PACSIN1: variants seen among roughly 807,000 people sequenced by gnomAD.
PACSIN1 encodes protein kinase C and casein kinase substrate in neurons 1.
Under a neutral mutation model 59.5 loss-of-function variants are expected in PACSIN1, and 15 were observed. That is an observed-to-expected ratio of 0.25 (90% CI 0.17 to 0.39). The LOEUF (loss-of-function observed/expected upper bound fraction) is 0.39. Among genes scored for constraint, PACSIN1 ranks in the 10% least tolerant of loss-of-function variants. PACSIN1 has a pLI of 1.00. For missense variants in PACSIN1, 420 were observed against 580.2 expected (o/e 0.72, Z 2.84); for synonymous variants, 210 against 220.6 (o/e 0.95, Z 0.42).
In PACSIN1 at chr6:34,530,173, C is replaced by A; in HGVS notation, c.789-70C>A. ...CCTGCTTCCCTGAGTGGACTCTGGC[C>A]TCTCACCAAGGTTGAGGAGGGGCCA... is the stretch of plus-strand genomic sequence containing the variant. On this transcript the variant is annotated intron_variant, in intron 6 of 9. Coordinates refer to ENST00000244458, the MANE Select transcript of PACSIN1 (RefSeq NM_020804.5). The surrounding 1 kb of genome is among the most constrained non-coding windows in gnomAD (Gnocchi z 4.4). 1 of 1,528,322 alleles carries A rather than the reference C, an allele frequency of 6.5e-7. No homozygotes were observed. The allele number at this position is 1,528,322 out of a possible 1,614,324, so 94.7% of individuals were successfully genotyped here. A position where few individuals can be genotyped will look rare whatever the true frequency, so the allele number is the denominator to read the frequency against.
intron 1 of PACSIN1, among the ~76,000 whole-genome samples, chr6:34,477,224 C>T (rs1355452355): frequency 2.0e-5 from 3 of 151,930 alleles, no homozygotes; most frequent in Admixed American, 6.6e-5. Flanking sequence ...GGCATGGTTG[C>T]TCATGCCTGT....
intron 1 of PACSIN1, among the ~76,000 whole-genome samples, chr6:34,477,342 A>C (rs938492604): frequency 1.3e-5 from 2 of 151,342 alleles, no homozygotes; most frequent in Admixed American, 6.6e-5. Context: ...AAAAAAAAGA[A>C]AAAAGAAAAA....
chr6:34,504,300 T>A (rs1163461010), intron 1 of PACSIN1, among the ~76,000 whole-genome samples: 10 of 148,644 alleles, frequency 6.7e-5, no homozygotes, highest in South Asian at 2.1e-4. Context: ...ATTTTTTTTT[T>A]TTTTTTTTTA....
In PACSIN1 at chr6:34,532,555, T is replaced by G; in HGVS notation, c.*25T>G. The G allele has an allele frequency of 7.3e-7, 1 of 1,364,222 alleles. No individual in the cohort carries two copies. The highest frequency in any genetic ancestry group is 1.0e-6 in the Non-Finnish European group (1 of 982,402). 84.5% of individuals were successfully genotyped at this position (1,364,222 alleles called of 1,614,324 possible). ...GAGGCCCCCTCCCTCCATACTCCCGTCACTCCTCCCCACTGCCGCCCCTCC... is the reference window on the plus strand; with the variant it reads ...GAGGCCCCCTCCCTCCATACTCCCGGCACTCCTCCCCACTGCCGCCCCTCC... On this transcript the variant is annotated 3_prime_UTR_variant, in exon 10 of 10. Transcript: ENST00000244458. This position sits in a 1 kb window ranked among gnomAD's most constrained non-coding sequence, Gnocchi z 5.2.
In PACSIN1 at chr6:34,521,372, C is replaced by A. The variant is rs1343300620; in HGVS notation, c.-63-4871C>A. 1.3e-5 allele frequency among the ~76,000 whole-genome samples: 2 copies of A among 152,156 alleles called. No individual in the cohort carries two copies. Among genetic ancestry groups the A allele is most frequent in the African/African-American group, 2.4e-5 (1 of 41,426 alleles). On this transcript the variant is annotated intron_variant, in intron 1 of 9. Coordinates refer to ENST00000244458, the MANE Select transcript of PACSIN1 (RefSeq NM_020804.5). The surrounding 1 kb of genome is among the most constrained non-coding windows in gnomAD (Gnocchi z 4.3). ...CCACACGAGGCCTGGCCTCTCCAGG[C>A]TCCTGCTCTTAATTCCTCTGTCCCT...
At chr6:34,466,825 G>A (rs1206272960) in intron 1 of PACSIN1, among the ~76,000 whole-genome samples, 1 of 152,174 alleles carries the variant, frequency 6.6e-6, no homozygotes, top group Non-Finnish European at 1.5e-5. Context: ...CGCAGATACA[G>A]AAGCCATGGG....
intron 1 of PACSIN1, among the ~76,000 whole-genome samples, chr6:34,495,434 C>T (rs922151380): frequency 3.3e-5 from 5 of 151,530 alleles, no homozygotes; most frequent in Non-Finnish European, 7.4e-5. Flanking sequence ...GAATCTCCAA[C>T]GTGGGGATCA....
intron 2 of PACSIN1, among the ~76,000 whole-genome samples, chr6:34,526,600 T>C (rs940234070): frequency 6.6e-6 from 1 of 152,220 alleles, no homozygotes; most frequent in African/African-American, 2.4e-5. Context: ...GCCTGTGGCA[T>C]TTCACAATGT....
intron 1 of PACSIN1, among the ~76,000 whole-genome samples, chr6:34,482,970 AGCCACT>A (rs1054924313): frequency 2.0e-4 from 29 of 146,410 alleles, no homozygotes; most frequent in African/African-American, 7.4e-4. Flanking sequence ...TACAGATGTT[AGCCACT>A]GCGCCCAGCC....
In PACSIN1 at chr6:34,501,306, CAG is replaced by C. The variant is rs906771262; in HGVS notation, c.-63-24936_-63-24935del. Among the ~76,000 whole-genome samples the C allele has an allele frequency of 1.5e-3, 232 of 152,286 alleles. 2 individuals carry two copies. Among genetic ancestry groups the C allele is most frequent in the Non-Finnish European group, 4.9e-4 (33 of 68,034 alleles). ...GGTAGACAAAAATCTTTTTTCAAGA[CAG>C]GGGATTCCTTGGGTGAAGAAATACC... On this transcript the variant is annotated intron_variant, in intron 1 of 9. Coordinates refer to ENST00000244458, the MANE Select transcript of PACSIN1 (RefSeq NM_020804.5).
At chr6:34,481,127 C>A (rs1000512708) in intron 1 of PACSIN1, among the ~76,000 whole-genome samples, 1 of 151,864 alleles carries the variant, frequency 6.6e-6, no homozygotes, top group Non-Finnish European at 1.5e-5. Context: ...CTCACTGCAA[C>A]CTCCACCTCC....
Position 34,530,677 on chromosome 6 carries a change from A to G in PACSIN1, c.1037+90A>G. 4.6e-6 allele frequency: 6 copies of G among 1,299,026 alleles called. No homozygotes were observed. The highest frequency in any genetic ancestry group is 6.1e-6 in the Non-Finnish European group (6 of 980,732). 80.5% of individuals were successfully genotyped at this position (1,299,026 alleles called of 1,614,324 possible). A position where few individuals can be genotyped will look rare whatever the true frequency, so the allele number is the denominator to read the frequency against. On this transcript the variant is annotated intron_variant, in intron 8 of 9. Transcript: ENST00000244458. This position sits in a 1 kb window ranked among gnomAD's most constrained non-coding sequence, Gnocchi z 4.4. ...TGCTTCAGAAGACAAGAAATGGTCT[A>G]GATCATAGCAACTATGTCTCCTCTC...
intron 1 of PACSIN1, among the ~76,000 whole-genome samples, chr6:34,496,768 G>A (rs1392706001): frequency 6.6e-6 from 1 of 152,060 alleles, no homozygotes; most frequent in Non-Finnish European, 1.5e-5. Context: ...CCAGCCTGTG[G>A]TCCCCAAGTT....
At chr6:34,486,774 C>T (rs1357081084) in intron 1 of PACSIN1, among the ~76,000 whole-genome samples, 1 of 150,728 alleles carries the variant, frequency 6.6e-6, no homozygotes, top group Non-Finnish European at 1.5e-5. Context: ...CGAGTTGGGA[C>T]AGTGCCTCTT....
At position 34,516,351 on chromosome 6, in the gene PACSIN1, T is replaced by C. The variant is rs1285316648; in HGVS notation, c.-63-9892T>C. Reference sequence around the variant, plus strand: ...GTGCTGGACTCAGGGGCTCCCACTTTGGGATCAAGGGCCTAGGAGGGAGAA... The same window carrying C: ...GTGCTGGACTCAGGGGCTCCCACTTCGGGATCAAGGGCCTAGGAGGGAGAA... On this transcript the variant is annotated intron_variant, in intron 1 of 9. Transcript: ENST00000244458. The surrounding 1 kb of genome is among the most constrained non-coding windows in gnomAD (Gnocchi z 5.4). 6.6e-6 allele frequency among the ~76,000 whole-genome samples: 1 copy of C among 152,150 alleles called. No homozygotes were observed. The highest frequency in any genetic ancestry group is 2.4e-5 in the African/African-American group (1 of 41,426).
Position 34,533,416 on chromosome 6 carries a change from C to A in PACSIN1, c.*886C>A, listed in dbSNP as rs566493350. On this transcript the variant is annotated 3_prime_UTR_variant, in exon 10 of 10. Coordinates refer to ENST00000244458, the MANE Select transcript of PACSIN1 (RefSeq NM_020804.5). ...CCTAGGGTGGGGACCCCCAAACCTA[C>A]GGCAAAGCCAGCAACAGTAGCAGCC... is the stretch of plus-strand genomic sequence containing the variant. The A allele has an allele frequency of 6.6e-6, 1 of 152,334 alleles. No homozygotes were observed. The highest frequency in any genetic ancestry group is 2.4e-5 in the African/African-American group (1 of 41,462). The allele number at this position is 152,334 out of a possible 1,614,324, so 9.4% of individuals were successfully genotyped here.
intron 1 of PACSIN1, among the ~76,000 whole-genome samples, chr6:34,490,226 C>CTTTTTTTT (rs56754772): frequency 2.9e-5 from 3 of 102,716 alleles, no homozygotes; most frequent in Non-Finnish European, 5.6e-5. Flanking sequence ...AATTTAAAAA[C>CTTTTTTTT]TTTTTTTTTT....
At chr6:34,505,926 C>T (rs1767105476) in intron 1 of PACSIN1, among the ~76,000 whole-genome samples, 1 of 151,914 alleles carries the variant, frequency 6.6e-6, no homozygotes, top group South Asian at 2.1e-4. Flanking sequence ...GGCACCACAC[C>T]CAGCCTCCAT....
At position 34,530,110 on chromosome 6, in the gene PACSIN1, A is replaced by T; in HGVS notation, c.789-133A>T. On this transcript the variant is annotated intron_variant, in intron 6 of 9. Transcript: ENST00000244458. This position sits in a 1 kb window ranked among gnomAD's most constrained non-coding sequence, Gnocchi z 4.4. ...GCATGCCCGGAGCTTATTCTTGCAAAGCCCACATGATTCCTGGCTGGGCAG... is the reference window on the plus strand; with the variant it reads ...GCATGCCCGGAGCTTATTCTTGCAATGCCCACATGATTCCTGGCTGGGCAG... 1 of 1,271,714 alleles carries T rather than the reference A, an allele frequency of 7.9e-7. No homozygotes were observed. The highest frequency in any genetic ancestry group is 1.1e-6 in the Non-Finnish European group (1 of 936,010). 78.8% of individuals were successfully genotyped at this position (1,271,714 alleles called of 1,614,324 possible).
Sources: allele counts gnomAD v4.1 joint callset (sites outside exome capture counted in the v4.1 genomes callset), GRCh38; gene constraint gnomAD v4.1.1; non-coding constraint Gnocchi (gnomAD v3.1); transcripts MANE v1.5; gene names NCBI Gene and HGNC (gene_info 2026-07-23, HGNC 2026-07-21).